The following MAGI1 variants were observed in gnomAD, a reference collection of about 807,000 sequenced individuals.
MAGI1 encodes the protein membrane-associated guanylate kinase, WW and PDZ domain-containing protein 1.
In MAGI1, 58 loss-of-function variants were observed where a neutral mutation model predicts 139.9. That is an observed-to-expected ratio of 0.41 (90% CI 0.34 to 0.52). The LOEUF is 0.52. Among genes scored for constraint, MAGI1 ranks in the 20% least tolerant of loss-of-function variants. The pLI, the probability that MAGI1 is intolerant of heterozygous loss-of-function variation, is 0.12. For missense variants in MAGI1, 1,874 were observed against 1,901.6 expected, an observed-to-expected ratio of 0.99 and a Z score of 0.27; for synonymous variants, 812 against 737.9, an observed-to-expected ratio of 1.10 and a Z score of -1.63.
At chr3:65,995,804 T>C (rs2066415453) in intron 1 of MAGI1, among the ~76,000 whole-genome samples, 1 of 152,176 alleles carries the variant, frequency 6.6e-6, no homozygotes, top group African/African-American at 2.4e-5. Context: ...TCTCTGGGAA[T>C]CCTGTGAATA....
At chr3:65,454,929 T>C (rs988317783) in intron 5 of MAGI1, among the ~76,000 whole-genome samples, 2 of 152,108 alleles carry the variant, frequency 1.3e-5, no homozygotes, top group Non-Finnish European at 2.9e-5. Context: ...ATATTACAAA[T>C]GAGAAAACTG....
intron 1 of MAGI1, among the ~76,000 whole-genome samples, chr3:65,982,199 T>A (rs1277953950): frequency 2.0e-5 from 3 of 152,210 alleles, no homozygotes; most frequent in African/African-American, 7.2e-5. Flanking sequence ...ATCGGCCCTC[T>A]CCTGTGGCTT....
intron 1 of MAGI1, among the ~76,000 whole-genome samples, chr3:65,719,253 T>C (rs1430347527): frequency 6.6e-6 from 1 of 151,730 alleles, no homozygotes; most frequent in Non-Finnish European, 1.5e-5. Context: ...ATATATTACA[T>C]ACAATACACA....
At chr3:65,479,518 C>T (rs973401624) in intron 3 of MAGI1, among the ~76,000 whole-genome samples, 2 of 152,040 alleles carry the variant, frequency 1.3e-5, no homozygotes, top group Non-Finnish European at 1.5e-5. Context: ...TAGATTTTTA[C>T]ATTTTAATTT....
intron 1 of MAGI1, among the ~76,000 whole-genome samples, chr3:65,775,381 G>A (rs765499632): frequency 6.6e-6 from 1 of 151,240 alleles, no homozygotes; most frequent in Non-Finnish European, 1.5e-5. Flanking sequence ...CCTAGGACTT[G>A]GAGGTTCCAG....
intron 1 of MAGI1, among the ~76,000 whole-genome samples, chr3:65,693,227 G>T (rs2088838732): frequency 6.6e-6 from 1 of 152,152 alleles, no homozygotes; most frequent in Non-Finnish European, 1.5e-5. Context: ...TTATGGGTGT[G>T]AATCACTGCG....
chr3:65,390,046 G>C (rs950089728), intron 14 of MAGI1, among the ~76,000 whole-genome samples: 2 of 152,114 alleles, frequency 1.3e-5, no homozygotes, highest in African/African-American at 4.8e-5. Flanking sequence ...CAGAGGAGTC[G>C]ACTTTCAGCA....
chr3:65,965,340 T>C (rs563295079), intron 1 of MAGI1, among the ~76,000 whole-genome samples: 1 of 152,324 alleles, frequency 6.6e-6, no homozygotes, highest in East Asian at 1.9e-4. Context: ...TTTATTTTCA[T>C]GTAATTAAAT....
At chr3:65,862,835 A>G (rs1401402121) in intron 1 of MAGI1, among the ~76,000 whole-genome samples, 1 of 152,226 alleles carries the variant, frequency 6.6e-6, no homozygotes, top group East Asian at 1.9e-4. Flanking sequence ...TTTTGTGAAG[A>G]AAGTATAGAT....
chr3:65,627,424 T>A (rs1410862712), intron 1 of MAGI1, among the ~76,000 whole-genome samples: 1 of 151,132 alleles, frequency 6.6e-6, no homozygotes, highest in African/African-American at 2.4e-5. Flanking sequence ...TTTTATATTT[T>A]AACTGAGGAA....
chr3:66,012,349 ACATT>A (rs1297590410), intron 1 of MAGI1, among the ~76,000 whole-genome samples: 7 of 152,158 alleles, frequency 4.6e-5, no homozygotes, highest in African/African-American at 1.7e-4. Context: ...TATGCAGTAA[ACATT>A]CATTCCAAGT....
intron 18 of MAGI1, among the ~76,000 whole-genome samples, chr3:65,370,067 TG>T (rs1559904895): frequency 6.6e-6 from 1 of 152,196 alleles, no homozygotes; most frequent in East Asian, 1.9e-4. Flanking sequence ...CTTTGTCTTC[TG>T]GGGGTTTGCA....
intron 2 of MAGI1, among the ~76,000 whole-genome samples, chr3:65,595,825 T>G (rs1576427329): frequency 6.1e-5 from 1 of 16,428 alleles, no homozygotes; most frequent in Non-Finnish European, 1.1e-4. Context: ...GTAGGGTGGG[T>G]AGGGTGGGGG....
At chr3:65,934,261 ATT>A (rs11336809) in intron 1 of MAGI1, among the ~76,000 whole-genome samples, 105 of 145,816 alleles carry the variant, frequency 7.2e-4, no homozygotes, top group African/African-American at 1.4e-3. Context: ...ATATTTTACC[ATT>A]TTTTTTTTTT....
chr3:65,941,747 A>G (rs1024605814), intron 1 of MAGI1, among the ~76,000 whole-genome samples: 3 of 152,162 alleles, frequency 2.0e-5, no homozygotes, highest in African/African-American at 4.8e-5. Context: ...CTGTTTCCCA[A>G]TGGCTTTCAG....
intron 1 of MAGI1, among the ~76,000 whole-genome samples, chr3:65,628,061 A>AT (rs906028699): frequency 2.0e-5 from 3 of 151,236 alleles, no homozygotes; most frequent in African/African-American, 7.3e-5. Context: ...CCCTCCCCTA[A>AT]TTTTTTTTTA....
intron 1 of MAGI1, among the ~76,000 whole-genome samples, chr3:65,876,125 C>CAAA (rs201926706): frequency 2.6e-5 from 3 of 113,232 alleles, no homozygotes; most frequent in Non-Finnish European, 5.8e-5. Flanking sequence ...GAAAATTAAG[C>CAAA]AAAAAAAAAA....
intron 18 of MAGI1, among the ~76,000 whole-genome samples, chr3:65,369,658 G>A (rs185329840): frequency 3.9e-5 from 6 of 152,104 alleles, no homozygotes; most frequent in African/African-American, 9.6e-5. Flanking sequence ...ACAGGCACGC[G>A]CCACCATGCC....
intron 1 of MAGI1, among the ~76,000 whole-genome samples, chr3:66,030,451 C>T (rs888870577): frequency 4.6e-5 from 7 of 152,182 alleles, no homozygotes; most frequent in African/African-American, 1.7e-4. Context: ...AGACAACATT[C>T]CTGCCATCTC....
Sources: gnomAD v4.1 joint callset for allele counts (sites outside exome capture counted in the v4.1 genomes callset) on GRCh38, gnomAD v4.1.1 for gene constraint, MANE v1.5 for transcripts, NCBI Gene and HGNC (gene_info 2026-07-23, HGNC 2026-07-21) for gene names.